EHMT1: variants seen among roughly 807,000 people sequenced by gnomAD.
EHMT1 encodes histone-lysine N-methyltransferase EHMT1.
In EHMT1, 15 loss-of-function variants were observed where a neutral mutation model predicts 147.2. That is an observed-to-expected ratio of 0.10 (90% CI 0.07 to 0.16). The LOEUF is 0.16. Among genes scored for constraint, EHMT1 ranks in the 10% least tolerant of loss-of-function variants. EHMT1 has a pLI of 1.00. For missense variants in EHMT1, 1,587 were observed against 1,772.4 expected (o/e 0.90, Z 1.88); for synonymous variants, 795 against 709.6 (o/e 1.12, Z -1.91).
chr9:137,717,343 C>G (rs998897830), intron 3 of EHMT1, 161 bp downstream of exon 3: 1 of 935,370 alleles, frequency 1.1e-6, no homozygotes, highest in Non-Finnish European at 1.7e-6. Context: ...TGGCTTACAG[C>G]TGTTATCGCA....
At chr9:137,779,821 G>A in intron 14 of EHMT1, 104 bp downstream of exon 14, 1 of 1,322,122 alleles carries the variant, frequency 7.6e-7, no homozygotes, top group Non-Finnish European at 1.1e-6. Flanking sequence ...TCTCGTTTTG[G>A]TTTTCTGTTT....
intron 4 of EHMT1, 55 bp from the exon 5 acceptor site, chr9:137,743,316 G>T (rs1239871547): frequency 1.3e-6 from 2 of 1,528,148 alleles, no homozygotes; most frequent in Non-Finnish European, 1.7e-6. Flanking sequence ...AAAAACATTT[G>T]AATGGTGTTT....
intron 16 of EHMT1, among the ~76,000 whole-genome samples, chr9:137,796,381 G>A (rs560283032): frequency 2.0e-5 from 3 of 152,170 alleles, no homozygotes; most frequent in Non-Finnish European, 2.9e-5. Flanking sequence ...GCAATGCATC[G>A]GCCAAAGATT....
At chr9:137,790,058 G>A (rs1186853906) in intron 15 of EHMT1, among the ~76,000 whole-genome samples, 2 of 152,206 alleles carry the variant, frequency 1.3e-5, no homozygotes, top group African/African-American at 4.8e-5. Flanking sequence ...TTATGAGTTA[G>A]CCTCATTTTC....
Position 137,714,176 on chromosome 9 carries a change from G to T in EHMT1, c.86-2450G>T, listed in dbSNP as rs531106926. ...TACTTCGAATCTCTAGTACAGGGTT[G>T]AATAGAAGTGGCAAGACTGGACATC... On this transcript the variant is annotated intron_variant, in intron 2 of 26. Coordinates refer to ENST00000460843, the MANE Select transcript of EHMT1 (RefSeq NM_024757.5). Among the ~76,000 whole-genome samples, 5 of 152,248 alleles carry T rather than the reference G, an allele frequency of 3.3e-5. No homozygotes were observed. In the East Asian group the frequency reaches 9.7e-4, roughly 29 times the overall value.
In EHMT1 at chr9:137,832,362, G is replaced by C. The variant is rs557698874; in HGVS notation, c.3541-1987G>C. 9.2e-4 allele frequency among the ~76,000 whole-genome samples: 126 copies of C among 137,176 alleles called. 2 individuals are homozygous for C. The highest frequency in any genetic ancestry group is 2.9e-3 in the African/African-American group (101 of 34,724). 90.0% of individuals were successfully genotyped at this position (137,176 alleles called of 152,430 possible). A position where few individuals can be genotyped will look rare whatever the true frequency, so the allele number is the denominator to read the frequency against. On this transcript the variant is annotated intron_variant, in intron 25 of 26. Coordinates refer to ENST00000460843, the MANE Select transcript of EHMT1 (RefSeq NM_024757.5). ...GCCTTCCACGTGGCCTCTGCACCTC[G>C]CTCCCGTCCTAGAATTGGCTGGGCT...
At chr9:137,622,339 C>T (rs761612506) in intron 1 of EHMT1, among the ~76,000 whole-genome samples, 5 of 152,020 alleles carry the variant, frequency 3.3e-5, no homozygotes, top group Non-Finnish European at 5.9e-5. Context: ...AGGCTTGTCT[C>T]GAACTCCTGA....
intron 1 of EHMT1, among the ~76,000 whole-genome samples, chr9:137,635,511 G>A (rs767127722): frequency 9.9e-5 from 15 of 150,932 alleles, no homozygotes; most frequent in Non-Finnish European, 2.1e-4. Flanking sequence ...CACTGCGCTC[G>A]GCCTTCAGTT....
At chr9:137,762,844 A>G in intron 10 of EHMT1, 24 bp downstream of exon 10, 1 of 1,613,540 alleles carries the variant, frequency 6.2e-7, no homozygotes. Context: ...TTTTCATTTA[A>G]AGCAGCCACG....
chr9:137,759,610 G>A (rs543541645), intron 9 of EHMT1, among the ~76,000 whole-genome samples: 5 of 152,256 alleles, frequency 3.3e-5, no homozygotes, highest in Non-Finnish European at 7.3e-5. Flanking sequence ...TCCTCAGCTT[G>A]TGTGACATTT....
chr9:137,675,630 ATTTTTTT>A (rs61666243), intron 1 of EHMT1, among the ~76,000 whole-genome samples: 7 of 105,760 alleles, frequency 6.6e-5, no homozygotes, highest in Admixed American at 3.9e-4. Context: ...CGCCCGGCTA[ATTTTTTT>A]TTTTTTTTTT....
At chr9:137,643,865 T>C (rs1457090102) in intron 1 of EHMT1, among the ~76,000 whole-genome samples, 1 of 152,180 alleles carries the variant, frequency 6.6e-6, no homozygotes, top group Non-Finnish European at 1.5e-5. Context: ...AGCTTCTTAA[T>C]TTTTTTGACT....
chr9:137,750,359 T>C (rs756630074), intron 6 of EHMT1, among the ~76,000 whole-genome samples: 1 of 152,234 alleles, frequency 6.6e-6, no homozygotes, highest in Non-Finnish European at 1.5e-5. Flanking sequence ...GGAGCAGATA[T>C]TTCAGTAGGG....
intron 4 of EHMT1, among the ~76,000 whole-genome samples, chr9:137,735,402 A>G (rs372306280): frequency 6.6e-6 from 1 of 152,212 alleles, no homozygotes; most frequent in African/African-American, 2.4e-5. Flanking sequence ...GAACATACAC[A>G]AAAGGAAATG....
At chr9:137,668,239 C>G (rs1939910597) in intron 1 of EHMT1, among the ~76,000 whole-genome samples, 1 of 152,102 alleles carries the variant, frequency 6.6e-6, no homozygotes, top group African/African-American at 2.4e-5. Flanking sequence ...CTTGCAGGAT[C>G]CTGCTAGAAG....
chr9:137,816,757 G>A, intron 23 of EHMT1: 1 of 164,858 alleles, frequency 6.1e-6, no homozygotes, highest in Non-Finnish European at 1.3e-5. Flanking sequence ...GATAAACTTG[G>A]TTCATGGTGA....
chr9:137,747,173 T>G (rs1230488370), intron 6 of EHMT1: 1 of 152,220 alleles, frequency 6.6e-6, no homozygotes, highest in Non-Finnish European at 1.5e-5. Context: ...ATTTTTTTTT[T>G]TTGGGACTGA....
rs192703813 is a variant in EHMT1, at chr9:137,777,223, A to G, written c.2018+379A>G. ...GGTTTGAAGGCCTTAGCTGAAGACA[A>G]AAAAGTCTAAAATAATTAGAAGTGT... On this transcript the variant is annotated intron_variant, in intron 12 of 26. Transcript: ENST00000460843. The G allele has an allele frequency of 8.3e-4, 224 of 268,328 alleles. 6 individuals carry two copies. The highest frequency in any genetic ancestry group is 1.4e-3 in the Middle Eastern group (1 of 734). The allele number at this position is 268,328 out of a possible 1,614,324, so 16.6% of individuals were successfully genotyped here. A position where few individuals can be genotyped will look rare whatever the true frequency, so the allele number is the denominator to read the frequency against.
intron 1 of EHMT1, among the ~76,000 whole-genome samples, chr9:137,683,174 A>C (rs930085698): frequency 6.6e-6 from 1 of 152,234 alleles, no homozygotes; most frequent in Non-Finnish European, 1.5e-5. Flanking sequence ...TCATCAGTAA[A>C]GCTGCTACTA....
Sources: allele counts gnomAD v4.1 joint callset (sites outside exome capture counted in the v4.1 genomes callset), GRCh38; gene constraint gnomAD v4.1.1; transcripts MANE v1.5; gene names NCBI Gene and HGNC (gene_info 2026-07-23, HGNC 2026-07-21).